Variants in RASGEF1A observed in about 807,000 individuals in gnomAD.
RASGEF1A encodes RasGEF domain family member 1A.
RASGEF1A carries 18 observed loss-of-function variants against 56.4 expected under a neutral mutation model. The observed-to-expected ratio is 0.32, with a 90% CI of 0.22 to 0.47. The LOEUF (loss-of-function observed/expected upper bound fraction) is 0.47, where lower values mean the gene tolerates loss of function less well. RASGEF1A is among the 20% of genes least tolerant of loss of function. The probability of loss-of-function intolerance (pLI) is 1.00; values close to 1 mark genes in which losing one functional copy is unlikely to be tolerated. For missense variants in RASGEF1A, 422 were observed against 627.1 expected, an observed-to-expected ratio of 0.67 and a Z score of 3.49; for synonymous variants, 245 against 242.6, an observed-to-expected ratio of 1.01 and a Z score of -0.09.
At chr10:43,265,851 C>G (rs998768918) in intron 1 of RASGEF1A, among the ~76,000 whole-genome samples, 2 of 152,242 alleles carry the variant, frequency 1.3e-5, no homozygotes, top group African/African-American at 4.8e-5. Context: ...CAGAGGGAAC[C>G]AAGGCCTCTG....
Position 43,266,946 on chromosome 10 carries a change from GCCCGCGGCACCCGCCCA to G in RASGEF1A, c.-125_-109del, listed in dbSNP as rs1341164716. 8.9e-5 allele frequency: 13 copies of G among 146,118 alleles called. No individual in the cohort carries two copies. The highest frequency in any genetic ancestry group is 3.4e-4 in the Admixed American group (5 of 14,732). The allele number at this position is 146,118 out of a possible 1,614,324, so 9.1% of individuals were successfully genotyped here. On this transcript the variant is annotated 5_prime_UTR_variant, in exon 1 of 13. Coordinates refer to ENST00000395810, the MANE Select transcript of RASGEF1A (RefSeq NM_145313.4). Reference sequence around the variant, plus strand: ...GCGGCGGCTCATGCTCGGCGCCCGGGCCCGCGGCACCCGCCCACCCGCGGCCGCCCCCGCGCTGCGCC... The same window carrying G: ...GCGGCGGCTCATGCTCGGCGCCCGGGCCCGCGGCCGCCCCCGCGCTGCGCC...
In RASGEF1A at chr10:43,231,686, C is replaced by T. The variant is rs371812469; in HGVS notation, c.-6-25564G>A. On this transcript the variant is annotated intron_variant, in intron 1 of 12. Transcript: ENST00000395810. ...CAGATGGTGCTGTCTCCTTTACCCACCAGTGTGATCTCAGCATTCATGTGT... is the reference window on the plus strand; with the variant it reads ...CAGATGGTGCTGTCTCCTTTACCCATCAGTGTGATCTCAGCATTCATGTGT... Among the ~76,000 whole-genome samples, 4 of 152,396 alleles carry T rather than the reference C, an allele frequency of 2.6e-5. No individual in the cohort carries two copies. In the East Asian group the frequency reaches 5.8e-4, roughly 22 times the overall value.
Position 43,242,491 on chromosome 10 carries a change from G to GCTCCCT in RASGEF1A, c.-7+24348_-7+24353dup, listed in dbSNP as rs146744740. On this transcript the variant is annotated intron_variant, in intron 1 of 12. Transcript: ENST00000395810. ...ACAGTAGGTCAGTTAAAAAAAAATC[G>GCTCCCT]CTCCCTCTCCCTCTCCCTCTCCCTC... 7.9e-5 allele frequency among the ~76,000 whole-genome samples: 12 copies of GCTCCCT among 151,514 alleles called. No individual in the cohort carries two copies. The South Asian group carries it at 1.3e-3, about 16-fold the overall frequency.
intron 1 of RASGEF1A, among the ~76,000 whole-genome samples, chr10:43,213,518 AG>A (rs1840095409): frequency 1.3e-5 from 2 of 152,194 alleles, no homozygotes; most frequent in Admixed American, 6.5e-5. Context: ...GACCCTATGT[AG>A]CCCCAGTGCT....
intron 1 of RASGEF1A, among the ~76,000 whole-genome samples, chr10:43,224,457 G>T (rs915094355): frequency 1.3e-5 from 2 of 152,170 alleles, no homozygotes; most frequent in East Asian, 1.9e-4. Context: ...GGATGATTTA[G>T]CTCAGAAGAG....
chr10:43,208,381 C>CAGAG, intron 1 of RASGEF1A: 1 of 985,802 alleles, frequency 1.0e-6, no homozygotes, highest in Non-Finnish European at 1.2e-6. Flanking sequence ...GTCCAGCCTG[C>CAGAG]AGAGAGACCT....
At chr10:43,233,735 C>T (rs1217019130) in intron 1 of RASGEF1A, among the ~76,000 whole-genome samples, 1 of 152,218 alleles carries the variant, frequency 6.6e-6, no homozygotes, top group Admixed American at 6.5e-5. Context: ...ACCGACCACA[C>T]CAGGCCCAGA....
intron 1 of RASGEF1A, among the ~76,000 whole-genome samples, chr10:43,264,365 C>T (rs1836587391): frequency 6.6e-6 from 1 of 150,504 alleles, no homozygotes; most frequent in Non-Finnish European, 1.5e-5. Flanking sequence ...GGCTGACAGC[C>T]ATAGGGGAGG....
At chr10:43,253,587 G>T (rs1298231565) in intron 1 of RASGEF1A, among the ~76,000 whole-genome samples, 1 of 152,236 alleles carries the variant, frequency 6.6e-6, no homozygotes, top group Non-Finnish European at 1.5e-5. Flanking sequence ...GGCGTCAGGG[G>T]ACCCAACACC....
Position 43,196,079 on chromosome 10 carries a change from A to T in RASGEF1A, c.*165T>A. On this transcript the variant is annotated 3_prime_UTR_variant, in exon 13 of 13. Transcript: ENST00000395810. This position sits in a 1 kb window ranked among gnomAD's most constrained non-coding sequence, Gnocchi z 4.6. ...TTAAAATAAACAAAAAAAACTTTGT[A>T]AGTGCCAAAGGTTGATGCGTGAAAT... is the stretch of plus-strand genomic sequence containing the variant. The T allele has an allele frequency of 1.6e-6, 1 of 612,932 alleles. No individual in the cohort carries two copies. Among genetic ancestry groups the T allele is most frequent in the Non-Finnish European group, 2.7e-6 (1 of 366,862 alleles). The allele number at this position is 612,932 out of a possible 1,614,324, so 38.0% of individuals were successfully genotyped here. A position where few individuals can be genotyped will look rare whatever the true frequency, so the allele number is the denominator to read the frequency against.
At chr10:43,203,827 A>G (rs1588929842) in intron 2 of RASGEF1A, 1 of 519,338 alleles carries the variant, frequency 1.9e-6, no homozygotes, top group Non-Finnish European at 2.5e-6. Flanking sequence ...AGCGGTGGGG[A>G]GGGTGGGGGA....
intron 3 of RASGEF1A, chr10:43,202,772 TA>T (rs151020875): frequency 0.011 from 4,905 of 444,688 alleles, 207 homozygotes; most frequent in African/African-American, 0.1. Context: ...ACCACGCCCC[TA>T]ACCCGGACCC....
chr10:43,229,579 C>A, intron 1 of RASGEF1A: 1 of 1,408,866 alleles, frequency 7.1e-7, no homozygotes, highest in Non-Finnish European at 9.5e-7. Flanking sequence ...CCCTCCCGAG[C>A]CCGACAGCGC....
chr10:43,232,085 G>A (rs1840376385), intron 1 of RASGEF1A, among the ~76,000 whole-genome samples: 1 of 152,236 alleles, frequency 6.6e-6, no homozygotes, highest in Non-Finnish European at 1.5e-5. Context: ...TCTGGGTTGA[G>A]GGTCACAGGA....
At position 43,243,938 on chromosome 10, in the gene RASGEF1A, A is replaced by T. The variant is rs533886610; in HGVS notation, c.-7+22907T>A. Among the ~76,000 whole-genome samples, 211 of 152,152 alleles carry T rather than the reference A, an allele frequency of 1.4e-3. 12 individuals are homozygous for T. The South Asian group carries it at 0.041, about 29-fold the overall frequency. The stretch of plus-strand genomic sequence containing the variant: ...CATGATGACGATGGTGGTTTTGTTG[A>T]AAAGAAAAGGGGGAAATGTGGGGAA... On this transcript the variant is annotated intron_variant, in intron 1 of 12. Coordinates refer to ENST00000395810, the MANE Select transcript of RASGEF1A (RefSeq NM_145313.4).
At chr10:43,213,102 CAA>C (rs1840090355) in intron 1 of RASGEF1A, among the ~76,000 whole-genome samples, 1 of 152,138 alleles carries the variant, frequency 6.6e-6, no homozygotes. Flanking sequence ...GAGCGGGAAA[CAA>C]AGATAGCTTG....
rs1839806129 is a variant in RASGEF1A, at chr10:43,196,858, C to T, written c.1348+118G>A. The T allele has an allele frequency of 7.8e-7, 1 of 1,283,728 alleles. No individual in the cohort carries two copies. The highest frequency in any genetic ancestry group is 2.4e-5 in the East Asian group (1 of 41,868). 79.5% of individuals were successfully genotyped at this position (1,283,728 alleles called of 1,614,324 possible). A position where few individuals can be genotyped will look rare whatever the true frequency, so the allele number is the denominator to read the frequency against. The stretch of plus-strand genomic sequence containing the variant: ...CACTCGCCCCTGCGAGCAGAGCCAG[C>T]CCTGTGTGGCATGGAGCAGCCAGCA... On this transcript the variant is annotated intron_variant, in intron 11 of 12. Coordinates refer to ENST00000395810, the MANE Select transcript of RASGEF1A (RefSeq NM_145313.4). This position sits in a 1 kb window ranked among gnomAD's most constrained non-coding sequence, Gnocchi z 4.6.
At chr10:43,240,270 C>T (rs552669193) in intron 1 of RASGEF1A, among the ~76,000 whole-genome samples, 1 of 152,184 alleles carries the variant, frequency 6.6e-6, no homozygotes, top group Non-Finnish European at 1.5e-5. Context: ...CAGTGCCACA[C>T]ACAAAAGAAT....
chr10:43,208,897 C>T (rs935215759), intron 1 of RASGEF1A: 1 of 985,558 alleles, frequency 1.0e-6, no homozygotes, highest in African/African-American at 1.7e-5. Flanking sequence ...AGCAGGCCCA[C>T]TCCTTGTTCC....
Sources: allele counts gnomAD v4.1 joint callset (sites outside exome capture counted in the v4.1 genomes callset), GRCh38; gene constraint gnomAD v4.1.1; non-coding constraint Gnocchi (gnomAD v3.1); transcripts MANE v1.5; gene names NCBI Gene and HGNC (gene_info 2026-07-23, HGNC 2026-07-21).